The following CLVS1 variants were observed in gnomAD, a reference collection of about 807,000 sequenced individuals.
CLVS1 encodes clavesin-1.
Under a neutral mutation model 33.1 loss-of-function variants are expected in CLVS1, and 10 were observed. The observed-to-expected ratio is 0.30, with a 90% confidence interval of 0.19 to 0.51. CLVS1 has a LOEUF of 0.51. Among genes scored for constraint, CLVS1 ranks in the 20% least tolerant of loss-of-function variants. The probability of loss-of-function intolerance (pLI) is 0.97; values close to 1 mark genes in which losing one functional copy is unlikely to be tolerated. For missense variants in CLVS1, 343 were observed against 433.4 expected, an observed-to-expected ratio of 0.79 and a Z score of 1.85; for synonymous variants, 163 against 166.1, an observed-to-expected ratio of 0.98 and a Z score of 0.14.
chr8:61,167,758 G>A (rs996240298), intron 2 of CLVS1, among the ~76,000 whole-genome samples: 2 of 152,128 alleles, frequency 1.3e-5, no homozygotes, highest in African/African-American at 4.8e-5. Context: ...TTGTAGTAAA[G>A]AAGCCGGCTA....
chr8:61,487,463 T>A (rs866428558), intron 5 of CLVS1, among the ~76,000 whole-genome samples: 1 of 152,248 alleles, frequency 6.6e-6, no homozygotes, highest in Non-Finnish European at 1.5e-5. Flanking sequence ...TTATTCTAAG[T>A]AAAATGCTGT....
At chr8:61,428,927 T>C (rs1252927030) in intron 3 of CLVS1, among the ~76,000 whole-genome samples, 1 of 152,208 alleles carries the variant, frequency 6.6e-6, no homozygotes, top group Admixed American at 6.5e-5. Flanking sequence ...CATACACATA[T>C]TAAGTATATA....
chr8:61,046,304 T>A, the CLVS1 span, among the ~76,000 whole-genome samples: 2 of 147,274 alleles, frequency 1.4e-5, no homozygotes, highest in Non-Finnish European at 3.0e-5. Flanking sequence ...GTTGTAGATA[T>A]GCGGCATTAT....
chr8:61,017,437 C>T, the CLVS1 span, among the ~76,000 whole-genome samples: 5 of 152,230 alleles, frequency 3.3e-5, no homozygotes, highest in Non-Finnish European at 5.9e-5. Flanking sequence ...TGCTATACGC[C>T]ATTTCCCTGC....
intron 5 of CLVS1, among the ~76,000 whole-genome samples, chr8:61,494,368 G>T (rs1804198277): frequency 6.6e-6 from 1 of 152,122 alleles, no homozygotes; most frequent in African/African-American, 2.4e-5. Flanking sequence ...ATGAAGCCTT[G>T]TTAGAGTTGC....
chr8:61,219,995 G>C (rs1388242099), intron 2 of CLVS1, among the ~76,000 whole-genome samples: 1 of 152,070 alleles, frequency 6.6e-6, no homozygotes, highest in East Asian at 1.9e-4. Flanking sequence ...TTATGGGATT[G>C]TTTGTTTTTT....
intron 2 of CLVS1, among the ~76,000 whole-genome samples, chr8:61,243,671 A>G (rs1411292658): frequency 2.0e-5 from 3 of 152,094 alleles, no homozygotes; most frequent in African/African-American, 7.2e-5. Context: ...TGTCTGTAGG[A>G]TCTGTAGTGA....
chr8:61,474,420 A>G lies in CLVS1; in HGVS notation c.977+15878A>G, dbSNP rs2129607860. ...AGGTAGGATGTGAGCAGAGGGAGAG[A>G]TGGGGAAGATATTTGTATCTGGAGA... On this transcript the variant is annotated intron_variant, in intron 5 of 5. Transcript: ENST00000325897. 1.3e-5 allele frequency among the ~76,000 whole-genome samples: 2 copies of G among 152,222 alleles called. 1 individual carries two copies. Among genetic ancestry groups the G allele is most frequent in the Admixed American group, 1.3e-4 (2 of 15,288 alleles).
At chr8:61,004,156 T>C in the CLVS1 span, among the ~76,000 whole-genome samples, 1 of 152,364 alleles carries the variant, frequency 6.6e-6, no homozygotes. Context: ...AAGGTGCTTA[T>C]GTGGATTAAA....
At chr8:61,299,435 A>G (rs960610435) in intron 1 of CLVS1, among the ~76,000 whole-genome samples, 1 of 152,210 alleles carries the variant, frequency 6.6e-6, no homozygotes, top group Admixed American at 6.6e-5. Flanking sequence ...TAACTAGTCA[A>G]TGGAACTGAA....
chr8:61,406,294 C>T (rs898344377), intron 3 of CLVS1, among the ~76,000 whole-genome samples: 1 of 152,134 alleles, frequency 6.6e-6, no homozygotes, highest in Non-Finnish European at 1.5e-5. Context: ...AACCATTCTA[C>T]AAAACAATAC....
intron 1 of CLVS1, among the ~76,000 whole-genome samples, chr8:61,071,081 T>G (rs535102966): frequency 6.6e-6 from 1 of 152,302 alleles, no homozygotes; most frequent in East Asian, 1.9e-4. Context: ...CCCAGTTCTA[T>G]GCAGTGGAAG....
chr8:61,059,563 C>T (rs532927542), intron 1 of CLVS1, among the ~76,000 whole-genome samples: 4 of 146,380 alleles, frequency 2.7e-5, no homozygotes, highest in African/African-American at 1.0e-4. Flanking sequence ...TGTGTCCCAG[C>T]ACTTTGGGAG....
At chr8:61,059,475 C>CATATATTTATATATAT (rs1554530492) in intron 1 of CLVS1, among the ~76,000 whole-genome samples, 1 of 50,214 alleles carries the variant, frequency 2.0e-5, no homozygotes, top group Non-Finnish European at 4.0e-5. Context: ...TACATACATA[C>CATATATTTATATATAT]ATATATATAT....
the CLVS1 span, among the ~76,000 whole-genome samples, chr8:60,991,744 C>CTTTT: frequency 3.4e-5 from 4 of 118,966 alleles, no homozygotes; most frequent in South Asian, 2.8e-4. Context: ...AAGCCCCACT[C>CTTTT]TTTTTTTTTT....
At chr8:61,213,601 ACT>A (rs1318658882) in intron 2 of CLVS1, among the ~76,000 whole-genome samples, 2 of 152,048 alleles carry the variant, frequency 1.3e-5, no homozygotes, top group African/African-American at 4.8e-5. Flanking sequence ...TTTCATGGAC[ACT>A]TATCACTTCC....
At chr8:61,326,678 A>G (rs1198720205) in intron 2 of CLVS1, among the ~76,000 whole-genome samples, 2 of 152,306 alleles carry the variant, frequency 1.3e-5, no homozygotes, top group Admixed American at 6.5e-5. Context: ...ACAATGTACC[A>G]CAGAAACCAA....
chr8:60,992,798 G>A, the CLVS1 span, among the ~76,000 whole-genome samples: 1 of 152,188 alleles, frequency 6.6e-6, no homozygotes, highest in Non-Finnish European at 1.5e-5. Flanking sequence ...AGAAGAGCAA[G>A]ACATGACCCG....
intron 2 of CLVS1, among the ~76,000 whole-genome samples, chr8:61,253,011 A>G (rs1027112705): frequency 8.5e-5 from 13 of 152,194 alleles, no homozygotes; most frequent in African/African-American, 3.1e-4. Flanking sequence ...GTTTCTTCCT[A>G]GCCTCAATGG....
Sources: allele counts gnomAD v4.1 joint callset (sites outside exome capture counted in the v4.1 genomes callset), GRCh38; gene constraint gnomAD v4.1.1; transcripts MANE v1.5; gene names NCBI Gene and HGNC (gene_info 2026-07-23, HGNC 2026-07-21).